The following BMPR1B variants were observed in gnomAD, a reference collection of about 807,000 sequenced individuals.
BMPR1B encodes bone morphogenetic protein receptor type-1B.
In BMPR1B, 12 loss-of-function variants were observed where a neutral mutation model predicts 59.1. That is an observed-to-expected ratio of 0.20 (90% CI 0.13 to 0.33). The LOEUF is 0.33. BMPR1B is among the 10% of genes least tolerant of loss of function. BMPR1B has a pLI of 1.00. For synonymous variants in BMPR1B, 237 were observed against 207.3 expected, an observed-to-expected ratio of 1.14 and a Z score of -1.23; for missense variants, 550 against 610.9, an observed-to-expected ratio of 0.90 and a Z score of 1.05.
intron 1 of BMPR1B, among the ~76,000 whole-genome samples, chr4:94,770,906 AAAAT>A (rs1722162397): frequency 6.6e-6 from 1 of 151,890 alleles, no homozygotes; most frequent in South Asian, 2.1e-4. Context: ...AAAAAAAAAA[AAAAT>A]GAAAAGCTAG....
chr4:95,040,681 C>A (rs1725586575), intron 3 of BMPR1B, among the ~76,000 whole-genome samples: 1 of 152,102 alleles, frequency 6.6e-6, no homozygotes, highest in Non-Finnish European at 1.5e-5. Context: ...CTTGTGGACT[C>A]CAGGAGTCGA....
intron 1 of BMPR1B, among the ~76,000 whole-genome samples, chr4:94,790,721 TAAAAG>T (rs779615306): frequency 1.3e-5 from 2 of 152,220 alleles, no homozygotes; most frequent in Non-Finnish European, 2.9e-5. Context: ...CTTGGTAACT[TAAAAG>T]AAAAACTTTA....
At chr4:95,092,150 T>TAATG (rs1038239145) in intron 3 of BMPR1B, among the ~76,000 whole-genome samples, 1 of 152,138 alleles carries the variant, frequency 6.6e-6, no homozygotes, top group African/African-American at 2.4e-5. Flanking sequence ...AGTATAAATG[T>TAATG]AATGATTTAG....
At chr4:94,975,300 T>C (rs551369146) in intron 2 of BMPR1B, among the ~76,000 whole-genome samples, 147 of 152,170 alleles carry the variant, frequency 9.7e-4, no homozygotes, top group African/African-American at 3.3e-3. Flanking sequence ...CTTGGATAAT[T>C]TAGTGATCAA....
At chr4:94,811,648 G>A (rs182057775) in intron 1 of BMPR1B, among the ~76,000 whole-genome samples, 180 of 152,066 alleles carry the variant, frequency 1.2e-3, no homozygotes, top group Non-Finnish European at 2.2e-3. Flanking sequence ...ACAAAATTCC[G>A]GAGTTTAAGT....
intron 3 of BMPR1B, among the ~76,000 whole-genome samples, chr4:95,015,981 G>A (rs1003606393): frequency 9.9e-5 from 15 of 152,190 alleles, no homozygotes; most frequent in African/African-American, 2.9e-4. Context: ...GTGAGCCACC[G>A]CGCCGGCTGG....
chr4:94,863,389 C>T (rs771085956), intron 1 of BMPR1B, among the ~76,000 whole-genome samples: 1 of 152,150 alleles, frequency 6.6e-6, no homozygotes, highest in South Asian at 2.1e-4. Context: ...TTTCACCAGC[C>T]TGGAAATGGT....
At chr4:94,873,832 G>T (rs1239150718) in intron 1 of BMPR1B, among the ~76,000 whole-genome samples, 1 of 152,200 alleles carries the variant, frequency 6.6e-6, no homozygotes, top group Non-Finnish European at 1.5e-5. Flanking sequence ...CAGTTCAGCT[G>T]TGTTAAGTAT....
chr4:95,125,063 T>G lies in BMPR1B; in HGVS notation c.527T>G (p.Leu176Arg). ...DETYIPPGES[L>R]RDLIEQSQSS... Reference sequence around the variant, plus strand: ...ACTTACATTCCTCCTGGAGAATCCCTGAGAGACTTAATTGAGCAGTCTCAG... The same window carrying G: ...ACTTACATTCCTCCTGGAGAATCCCGGAGAGACTTAATTGAGCAGTCTCAG... The change falls in exon 8 of 13, where the codon CTG (leucine) becomes CGG (arginine). Residue 176 changes from leucine (L) to arginine (R), a missense_variant. Around this residue, in one of 6 missense-constraint regions of BMPR1B, gnomAD observed 318 missense variants for 284.6 expected, o/e 1.12. Coordinates refer to ENST00000515059, the MANE Select transcript of BMPR1B (RefSeq NM_001203.3). 3.7e-6 allele frequency: 6 copies of G among 1,613,844 alleles called. No individual in the cohort carries two copies. Among genetic ancestry groups the G allele is most frequent in the East Asian group, 2.2e-5 (1 of 44,858 alleles).
At chr4:94,958,325 C>G (rs974721543) in intron 2 of BMPR1B, among the ~76,000 whole-genome samples, 7 of 152,264 alleles carry the variant, frequency 4.6e-5, no homozygotes, top group African/African-American at 1.4e-4. Context: ...GGTGTATTAC[C>G]TTGCTAGGGT....
intron 2 of BMPR1B, among the ~76,000 whole-genome samples, chr4:94,963,072 A>G (rs1479046286): frequency 6.6e-6 from 1 of 152,224 alleles, no homozygotes; most frequent in Non-Finnish European, 1.5e-5. Flanking sequence ...TCTGATGATT[A>G]GTGATATGGA....
chr4:94,771,604 A>G (rs1228905493), intron 1 of BMPR1B, among the ~76,000 whole-genome samples: 1 of 152,190 alleles, frequency 6.6e-6, no homozygotes, highest in African/African-American at 2.4e-5. Context: ...AAATATATGG[A>G]AAAATATATT....
intron 3 of BMPR1B, among the ~76,000 whole-genome samples, chr4:95,031,180 A>G (rs1038493208): frequency 1.3e-5 from 2 of 152,162 alleles, no homozygotes; most frequent in African/African-American, 4.8e-5. Context: ...GAGATAGAGA[A>G]CAGAAACATT....
chr4:94,787,529 A>G (rs1397652083), intron 1 of BMPR1B, among the ~76,000 whole-genome samples: 1 of 152,160 alleles, frequency 6.6e-6, no homozygotes, highest in Non-Finnish European at 1.5e-5. Context: ...AAGTTTCGCC[A>G]GTTTATTACA....
intron 1 of BMPR1B, among the ~76,000 whole-genome samples, chr4:94,871,083 T>G (rs980778819): frequency 6.6e-5 from 10 of 152,140 alleles, no homozygotes; most frequent in African/African-American, 2.4e-4. Flanking sequence ...GAGGCAGGCA[T>G]TATCCCAATT....
intron 1 of BMPR1B, among the ~76,000 whole-genome samples, chr4:94,839,306 G>A (rs796155459): frequency 3.0e-3 from 389 of 128,582 alleles, no homozygotes; most frequent in Middle Eastern, 8.1e-3. Context: ...TTCAATTCCT[G>A]GGTATCCTTG....
At chr4:95,143,288 A>T (rs1734386331) in intron 10 of BMPR1B, among the ~76,000 whole-genome samples, 1 of 152,236 alleles carries the variant, frequency 6.6e-6, no homozygotes, top group South Asian at 2.1e-4. Context: ...TCCTACTTTT[A>T]TTGTCACCAT....
intron 2 of BMPR1B, among the ~76,000 whole-genome samples, chr4:94,969,664 C>T (rs1184295329): frequency 6.6e-6 from 1 of 152,090 alleles, no homozygotes; most frequent in African/African-American, 2.4e-5. Flanking sequence ...TTATTTTTCT[C>T]CTTAACATTT....
chr4:95,084,673 C>G (rs1231652056), intron 3 of BMPR1B, among the ~76,000 whole-genome samples: 1 of 152,192 alleles, frequency 6.6e-6, no homozygotes, highest in Non-Finnish European at 1.5e-5. Context: ...AAGCAATCCC[C>G]ATGCGGCATT....
Sources: allele counts gnomAD v4.1 joint callset (sites outside exome capture counted in the v4.1 genomes callset), GRCh38; gene constraint gnomAD v4.1.1; regional missense constraint gnomAD v4.1.1; transcripts MANE v1.5; gene names NCBI Gene and HGNC (gene_info 2026-07-23, HGNC 2026-07-21).